The following GIGYF2 variants were observed in gnomAD, a reference collection of about 807,000 sequenced individuals.
GIGYF2 encodes the protein GRB10 interacting GYF protein 2, also known as GRB10-interacting GYF protein 2.
Under a neutral mutation model 208.1 loss-of-function variants are expected in GIGYF2, and 25 were observed. The ratio of observed to expected loss-of-function variants is 0.12; its 90% CI spans 0.09 to 0.17. The LOEUF is 0.17. GIGYF2 is among the 10% of genes least tolerant of loss of function. GIGYF2 has a pLI of 1.00. For missense variants in GIGYF2, 1,302 were observed against 1,579.4 expected (o/e 0.82, Z 2.98); for synonymous variants, 534 against 543.8 (o/e 0.98, Z 0.25).
chr2:232,821,939 ATTT>A (rs34551222), intron 21 of GIGYF2, among the ~76,000 whole-genome samples: 15 of 137,292 alleles, frequency 1.1e-4, no homozygotes, highest in Non-Finnish European at 1.1e-4. Context: ...TTGTATAAAT[ATTT>A]TTTTTTTTTT....
At chr2:232,821,939 A>T (rs979894340) in intron 21 of GIGYF2, among the ~76,000 whole-genome samples, 31 of 137,340 alleles carry the variant, frequency 2.3e-4, no homozygotes, top group South Asian at 7.0e-4. Context: ...TTGTATAAAT[A>T]TTTTTTTTTT....
intron 21 of GIGYF2, among the ~76,000 whole-genome samples, chr2:232,827,464 G>A (rs375659036): frequency 6.6e-6 from 1 of 152,138 alleles, no homozygotes; most frequent in South Asian, 2.1e-4. Context: ...GAATTATGTG[G>A]CTAATCGGGT....
chr2:232,807,246 C>G (rs1035402346), intron 15 of GIGYF2, among the ~76,000 whole-genome samples: 1 of 152,156 alleles, frequency 6.6e-6, no homozygotes, highest in Non-Finnish European at 1.5e-5. Context: ...CATGGCCGGG[C>G]ACATTGGCTC....
chr2:232,815,420 T>A (rs950452913), intron 18 of GIGYF2, among the ~76,000 whole-genome samples: 15 of 152,232 alleles, frequency 9.9e-5, no homozygotes, highest in African/African-American at 3.4e-4. Context: ...GTTAATTCCC[T>A]GATAAATGCC....
intron 28 of GIGYF2, among the ~76,000 whole-genome samples, chr2:232,852,325 C>T (rs189308012): frequency 1.3e-5 from 2 of 152,184 alleles, no homozygotes; most frequent in Non-Finnish European, 2.9e-5. Flanking sequence ...GCGGGTGGAT[C>T]GCTTGAGGTC....
rs531475759 is a variant in GIGYF2, at chr2:232,714,178, C to T, written c.-44+10689C>T. Among the ~76,000 whole-genome samples the T allele has an allele frequency of 1.3e-3, 203 of 152,212 alleles. 1 individual carries two copies. The highest frequency in any genetic ancestry group is 3.5e-3 in the Admixed American group (53 of 15,288). On this transcript the variant is annotated intron_variant, in intron 2 of 28. Transcript: ENST00000373563. ...ATGTTAGCCAGGATGGTTTCGATCT[C>T]CTGACCTCGTGATCCGCCCGTCTCG...
At chr2:232,710,275 G>C (rs1696330134) in intron 2 of GIGYF2, among the ~76,000 whole-genome samples, 1 of 151,932 alleles carries the variant, frequency 6.6e-6, no homozygotes, top group African/African-American at 2.4e-5. Flanking sequence ...GTTATTTTAA[G>C]AGGGGATCTC....
chr2:232,776,607 G>A, intron 8 of GIGYF2: 1 of 662,620 alleles, frequency 1.5e-6, no homozygotes, highest in Non-Finnish European at 2.7e-6. Flanking sequence ...TGTTGTGGGG[G>A]CTGGTTTCAG....
At chr2:232,792,896 C>T (rs998131222) in intron 12 of GIGYF2, among the ~76,000 whole-genome samples, 5 of 152,030 alleles carry the variant, frequency 3.3e-5, no homozygotes, top group South Asian at 2.1e-4. Context: ...CATTAAAGGT[C>T]GAAACTCCAG....
intron 2 of GIGYF2, among the ~76,000 whole-genome samples, chr2:232,721,476 T>G (rs1466187965): frequency 6.6e-6 from 1 of 152,190 alleles, no homozygotes; most frequent in Non-Finnish European, 1.5e-5. Context: ...TAGCAGTAGG[T>G]TTTCTTGCAC....
At chr2:232,832,774 G>C (rs1454485850) in intron 21 of GIGYF2, 83 bp from the exon 22 acceptor site, 1 of 1,010,020 alleles carries the variant, frequency 9.9e-7, no homozygotes, top group African/African-American at 1.6e-5. Flanking sequence ...ATAGCCATTT[G>C]ACAGAAGCTT....
At chr2:232,765,048 C>T (rs1698900299) in intron 8 of GIGYF2, among the ~76,000 whole-genome samples, 1 of 152,072 alleles carries the variant, frequency 6.6e-6, no homozygotes, top group Non-Finnish European at 1.5e-5. Context: ...TATATAACTG[C>T]TAGTATACTA....
chr2:232,730,897 CAAAAAAAAAAAAAA>C (rs34491260), intron 2 of GIGYF2, among the ~76,000 whole-genome samples: 2 of 51,578 alleles, frequency 3.9e-5, no homozygotes, highest in East Asian at 6.0e-4. Context: ...GACTCCGTCT[CAAAAAAAAAAAAAA>C]AAAAAAAAAA....
intron 8 of GIGYF2, among the ~76,000 whole-genome samples, chr2:232,781,923 T>G (rs910353622): frequency 1.3e-5 from 2 of 152,238 alleles, no homozygotes; most frequent in Non-Finnish European, 2.9e-5. Context: ...ATCCCTATCC[T>G]TGCAGAAGCA....
In GIGYF2 at chr2:232,811,360, T is replaced by G; in HGVS notation, c.2006+9T>G. The G allele has an allele frequency of 6.9e-7, 1 of 1,451,672 alleles. No homozygotes were observed. Among genetic ancestry groups the G allele is most frequent in the Non-Finnish European group, 9.7e-7 (1 of 1,031,636 alleles). 89.9% of individuals were successfully genotyped at this position (1,451,672 alleles called of 1,614,324 possible). A position where few individuals can be genotyped will look rare whatever the true frequency, so the allele number is the denominator to read the frequency against. On this transcript the variant is annotated intron_variant, in intron 17 of 28. Transcript: ENST00000373563. ...CAGACCTTGAAGATGAGGTTGGTGG[T>G]CATTCCATTATGTGTCATATGGGGT... is the stretch of plus-strand genomic sequence containing the variant.
intron 8 of GIGYF2, chr2:232,770,879 T>C: frequency 6.4e-7 from 1 of 1,571,858 alleles, no homozygotes; most frequent in Non-Finnish European, 8.7e-7. Context: ...TTTTTGTTTT[T>C]TTTAAGAACA....
chr2:232,824,262 A>G (rs777900743), intron 21 of GIGYF2, among the ~76,000 whole-genome samples: 4 of 152,228 alleles, frequency 2.6e-5, no homozygotes, highest in Non-Finnish European at 4.4e-5. Context: ...AGAAATGATT[A>G]AGCTTAGTGA....
At chr2:232,847,601 T>G (rs1358113007) in intron 27 of GIGYF2, 30 bp downstream of exon 27, 2 of 1,610,344 alleles carry the variant, frequency 1.2e-6, no homozygotes, top group African/African-American at 2.7e-5. Context: ...ATGCGGTACC[T>G]CTGAGGATTA....
At chr2:232,733,492 T>A (rs1697597515) in intron 2 of GIGYF2, among the ~76,000 whole-genome samples, 1 of 152,222 alleles carries the variant, frequency 6.6e-6, no homozygotes, top group Non-Finnish European at 1.5e-5. Context: ...GTTTCTAAGC[T>A]TTAGACATAT....
Sources: allele counts gnomAD v4.1 joint callset (sites outside exome capture counted in the v4.1 genomes callset), GRCh38; gene constraint gnomAD v4.1.1; transcripts MANE v1.5; gene names NCBI Gene and HGNC (gene_info 2026-07-23, HGNC 2026-07-21).